SLC41A3: variants seen among roughly 807,000 people sequenced by gnomAD.
The protein encoded by SLC41A3 is solute carrier family 41 member 3.
In SLC41A3, 44 loss-of-function variants were observed where a neutral mutation model predicts 45.4. That is an observed-to-expected ratio of 0.97 (90% CI 0.76 to 1.25). The LOEUF is 1.25. Ranked by LOEUF, SLC41A3 falls within the 50% of genes most tolerant of loss-of-function variation. SLC41A3 has a pLI of 0.00. For missense variants in SLC41A3, 550 were observed against 600.6 expected, an observed-to-expected ratio of 0.92 and a Z score of 0.88; for synonymous variants, 256 against 252.4, an observed-to-expected ratio of 1.01 and a Z score of -0.13.
At chr3:126,015,648 C>A in intron 7 of SLC41A3, 75 bp from the exon 8 acceptor site, 1 of 1,437,424 alleles carries the variant, frequency 7.0e-7, no homozygotes, top group South Asian at 1.2e-5. Flanking sequence ...CCACACAAAT[C>A]ACCCTTTCAG....
intron 2 of SLC41A3, among the ~76,000 whole-genome samples, chr3:126,059,244 AAAGAAAGAAAGAAAGAAAG>A (rs1943870174): frequency 2.1e-3 from 4 of 1,934 alleles, no homozygotes; most frequent in Non-Finnish European, 0.018. Context: ...AGAAAGAAAG[AAAGAAAGAAAGAAAGAAAG>A]AAGAAAGAAA....
chr3:126,072,584 G>A (rs935923648), intron 1 of SLC41A3, among the ~76,000 whole-genome samples: 1 of 152,204 alleles, frequency 6.6e-6, no homozygotes, highest in African/African-American at 2.4e-5. Context: ...AAAGCCACCA[G>A]TCAGAATGGC....
At chr3:126,089,385 G>A (rs1283558592) in intron 1 of SLC41A3, among the ~76,000 whole-genome samples, 1 of 152,198 alleles carries the variant, frequency 6.6e-6, no homozygotes, top group African/African-American at 2.4e-5. Context: ...TGAAATGTAA[G>A]ATGTTTAAAC....
intron 1 of SLC41A3, among the ~76,000 whole-genome samples, chr3:126,071,638 T>G (rs1944622775): frequency 6.6e-6 from 1 of 152,140 alleles, no homozygotes; most frequent in South Asian, 2.1e-4. Flanking sequence ...GCTTGATCTA[T>G]CTTAGGAAAA....
chr3:126,094,895 T>C (rs1436837089), intron 1 of SLC41A3, among the ~76,000 whole-genome samples: 1 of 152,252 alleles, frequency 6.6e-6, no homozygotes, highest in Non-Finnish European at 1.5e-5. Context: ...ACACAGTTAA[T>C]TGAAAATGCT....
chr3:126,014,338 C>A lies in SLC41A3; in HGVS notation c.970+1156G>T, dbSNP rs992390634. Among the ~76,000 whole-genome samples the A allele has an allele frequency of 5.9e-5, 9 of 152,198 alleles. No individual in the cohort carries two copies. The South Asian group carries it at 1.9e-3, about 32-fold the overall frequency. On this transcript the variant is annotated intron_variant, in intron 8 of 10. Transcript: ENST00000360370. ...GGCCCTTAATACAGATTCCCAGCTT[C>A]TCTTCCCAAGTCAGCACTGGCAAGT...
At chr3:126,074,955 G>C (rs892561424) in intron 1 of SLC41A3, among the ~76,000 whole-genome samples, 4 of 152,100 alleles carry the variant, frequency 2.6e-5, no homozygotes, top group African/African-American at 9.7e-5. Context: ...TGGGACTACA[G>C]GCATATTCCA....
intron 4 of SLC41A3, among the ~76,000 whole-genome samples, chr3:126,027,576 C>T (rs939598233): frequency 6.6e-6 from 1 of 152,108 alleles, no homozygotes; most frequent in African/African-American, 2.4e-5. Context: ...AAAAGTGGTA[C>T]TGAAGAGTGG....
chr3:126,050,259 G>A (rs776088389), intron 3 of SLC41A3, among the ~76,000 whole-genome samples: 3 of 152,106 alleles, frequency 2.0e-5, no homozygotes, highest in Non-Finnish European at 4.4e-5. Flanking sequence ...CTATAGCTAC[G>A]TTGCTGTCCT....
chr3:126,086,424 T>G (rs1305963160), upstream of SLC41A3, among the ~76,000 whole-genome samples: 13 of 146,576 alleles, frequency 8.9e-5, 2 homozygotes, highest in East Asian at 2.0e-4. Flanking sequence ...TTTTTTTTTT[T>G]TTTTTTTTTT....
chr3:126,057,234 G>A lies in SLC41A3; in HGVS notation c.274-6184C>T, dbSNP rs537566611. 412 of 922,480 alleles carry A rather than the reference G, an allele frequency of 4.5e-4. 3 individuals are homozygous for A. The African/African-American group carries it at 6.8e-3, about 15-fold the overall frequency. 57.1% of individuals were successfully genotyped at this position (922,480 alleles called of 1,614,324 possible). On this transcript the variant is annotated intron_variant, in intron 2 of 10. Transcript: ENST00000360370. ...AGGGGGTTCATGGCCACAGGAAGCT[G>A]TGTTCACAGAAAAAAACGCAGGCCT...
At chr3:126,059,385 G>T (rs1018692467) in intron 2 of SLC41A3, among the ~76,000 whole-genome samples, 1 of 151,586 alleles carries the variant, frequency 6.6e-6, no homozygotes, top group South Asian at 2.1e-4. Context: ...TCGGCCACAC[G>T]CAAACAGTCA....
chr3:126,041,380 G>A (rs1254303959), intron 3 of SLC41A3, among the ~76,000 whole-genome samples: 2 of 152,106 alleles, frequency 1.3e-5, no homozygotes, highest in African/African-American at 2.4e-5. Flanking sequence ...AAGATAATGC[G>A]AAAAACTCTA....
rs527575827 is a variant in SLC41A3 at position 126,009,608 on chromosome 3, T to G, written c.1106-728A>C. Among the ~76,000 whole-genome samples the G allele has an allele frequency of 3.9e-5, 6 of 152,330 alleles. No individual in the cohort carries two copies. In the South Asian group the frequency reaches 6.2e-4, roughly 16 times the overall value. On this transcript the variant is annotated intron_variant, in intron 9 of 10. Transcript: ENST00000360370. ...TGAAAAGTAGGTCTCCATTTGCCTC[T>G]GAGTTAATATATGTATTTCACCAAA...
chr3:126,085,002 G>A (rs538618069), upstream of SLC41A3, among the ~76,000 whole-genome samples: 19 of 152,218 alleles, frequency 1.2e-4, no homozygotes, highest in Admixed American at 3.9e-4. Flanking sequence ...TACCCTATCC[G>A]AATACTTCAT....
intron 9 of SLC41A3, among the ~76,000 whole-genome samples, chr3:126,009,550 G>C (rs910135719): frequency 5.9e-5 from 9 of 152,176 alleles, no homozygotes; most frequent in Non-Finnish European, 1.2e-4. Context: ...ACATGAATAT[G>C]ATTGATTTCT....
chr3:126,063,962 G>A (rs1944219115), intron 2 of SLC41A3, among the ~76,000 whole-genome samples: 1 of 84,328 alleles, frequency 1.2e-5, no homozygotes, highest in Non-Finnish European at 2.7e-5. Flanking sequence ...CCCCCCCGGG[G>A]ACACACACTC....
Position 126,068,001 on chromosome 3 carries a change from G to A in SLC41A3, c.219C>T (p.Phe73=). ...WSIGLQVTVP[F]MFAGLGLSWA... is the part of the protein sequence containing the mutation. Reference sequence around the variant, plus strand: ...AGGACAGTCCCAGGCCTGCAAACATGAAGGGCACGGTCACCTGAAGGCCTA... The same window carrying A: ...AGGACAGTCCCAGGCCTGCAAACATAAAGGGCACGGTCACCTGAAGGCCTA... The change falls in exon 2 of 11, where the codon TTC becomes TTT. Residue 73 remains phenylalanine (F), a synonymous_variant. Transcript: ENST00000360370. 1 of 1,613,832 alleles carries A rather than the reference G, an allele frequency of 6.2e-7. No homozygotes were observed. Among genetic ancestry groups the A allele is most frequent in the South Asian group, 1.1e-5 (1 of 91,036 alleles).
At chr3:126,090,016 G>T (rs1945458919) in intron 1 of SLC41A3, among the ~76,000 whole-genome samples, 1 of 137,968 alleles carries the variant, frequency 7.2e-6, no homozygotes, top group Non-Finnish European at 1.5e-5. Context: ...AGTTAAAGAA[G>T]GTCAAGAAAA....
Sources: allele counts gnomAD v4.1 joint callset (sites outside exome capture counted in the v4.1 genomes callset), GRCh38; gene constraint gnomAD v4.1.1; transcripts MANE v1.5; gene names NCBI Gene and HGNC (gene_info 2026-07-23, HGNC 2026-07-21).